Variants in CATSPERD observed in about 807,000 individuals in gnomAD.
CATSPERD encodes the protein cation channel sperm-associated auxiliary subunit delta.
Under a neutral mutation model 98.1 loss-of-function variants are expected in CATSPERD, and 86 were observed. The ratio of observed to expected loss-of-function variants is 0.88; its 90% CI spans 0.74 to 1.05. The LOEUF is 1.05. Among genes scored for constraint, CATSPERD ranks in the 50% least tolerant of loss-of-function variants. The pLI is 0.00. For synonymous variants in CATSPERD, 394 were observed against 390.2 expected (o/e 1.01, Z -0.12); for missense variants, 995 against 1,005.7 (o/e 0.99, Z 0.14).
intron 11 of CATSPERD, among the ~76,000 whole-genome samples, chr19:5,750,068 T>TG (rs1219686162): frequency 2.6e-5 from 4 of 151,298 alleles, no homozygotes; most frequent in African/African-American, 9.7e-5. Context: ...CCTCCCAAAG[T>TG]GCTGGGATTA....
chr19:5,774,173 GCC>G (rs1281080090), intron 20 of CATSPERD, among the ~76,000 whole-genome samples: 1 of 151,400 alleles, frequency 6.6e-6, no homozygotes, highest in African/African-American at 2.4e-5. Flanking sequence ...TCACCGTGTT[GCC>G]CAGGCTGGTC....
At chr19:5,763,735 T>C (rs984780259) in intron 16 of CATSPERD, among the ~76,000 whole-genome samples, 4 of 151,742 alleles carry the variant, frequency 2.6e-5, no homozygotes, top group Non-Finnish European at 5.9e-5. Context: ...TCTGCCCGCC[T>C]TGGTCTCCCA....
At position 5,731,560 on chromosome 19, in the gene CATSPERD, G is replaced by GTTTTTTTTTTTTTT. The variant is rs67541709; in HGVS notation, c.276+1629_276+1642dup. On this transcript the variant is annotated intron_variant, in intron 4 of 21. Transcript: ENST00000381624. ...TTTCTCCTAAAAGCGACACTTAACA[G>GTTTTTTTTTTTTTT]TTTTTTTTTTTTTTTTTTTTTTTTT... 1.4e-3 allele frequency among the ~76,000 whole-genome samples: 107 copies of GTTTTTTTTTTTTTT among 75,734 alleles called. 21 individuals carry two copies. The highest frequency in any genetic ancestry group is 0.011 in the Middle Eastern group (1 of 90). The allele number at this position is 75,734 out of a possible 152,430, so 49.7% of individuals were successfully genotyped here.
At chr19:5,745,861 G>A in intron 8 of CATSPERD, 52 bp from the exon 9 acceptor site, 1 of 1,595,090 alleles carries the variant, frequency 6.3e-7, no homozygotes, top group Non-Finnish European at 8.6e-7. Context: ...GGACTCAGTG[G>A]GACTCCACAG....
At chr19:5,753,622 C>T in intron 12 of CATSPERD, 1 of 394,952 alleles carries the variant, frequency 2.5e-6, no homozygotes, top group Non-Finnish European at 5.0e-6. Flanking sequence ...TAACCTCAAG[C>T]ACTTTGGGAG....
chr19:5,736,828 T>G lies in CATSPERD; in HGVS notation c.392-310T>G, dbSNP rs111325944. 3.0e-3 allele frequency among the ~76,000 whole-genome samples: 454 copies of G among 149,418 alleles called. 3 individuals are homozygous for G. The highest frequency in any genetic ancestry group is 0.011 in the African/African-American group (441 of 40,646). Reference sequence around the variant, plus strand: ...ATCCCAGCACTTTGGGAGGCCGAGGTGGGTGGATGACAAGGTCAGGAGATC... The same window carrying G: ...ATCCCAGCACTTTGGGAGGCCGAGGGGGGTGGATGACAAGGTCAGGAGATC... On this transcript the variant is annotated intron_variant, in intron 5 of 21. Coordinates refer to ENST00000381624, the MANE Select transcript of CATSPERD (RefSeq NM_152784.4).
rs547258279 is a variant in CATSPERD at position 5,756,432 on chromosome 19, G to A, written c.1279-1411G>A. ...GGTTGCACGATATTGTGAATCTACC[G>A]AAAGCCACTGAATTATACACTAAAG... On this transcript the variant is annotated intron_variant, in intron 13 of 21. Coordinates refer to ENST00000381624, the MANE Select transcript of CATSPERD (RefSeq NM_152784.4). Among the ~76,000 whole-genome samples, 16 of 152,224 alleles carry A rather than the reference G, an allele frequency of 1.1e-4. No homozygotes were observed. In the East Asian group the frequency reaches 1.5e-3, roughly 15 times the overall value.
chr19:5,762,601 ATGGGTGGATGGG>A (rs1371966645), intron 15 of CATSPERD, among the ~76,000 whole-genome samples: 19 of 151,966 alleles, frequency 1.3e-4, no homozygotes. Flanking sequence ...GGTTGGGTGG[ATGGGTGGATGGG>A]TGGGTGGATG....
At position 5,744,494 on chromosome 19, in the gene CATSPERD, T is replaced by C. The variant is rs764538602; in HGVS notation, c.641T>C (p.Val214Ala). The change falls in exon 8 of 22, where the codon GTA becomes GCA. Residue 214 changes from valine (V) to alanine (A), a missense_variant. By Grantham distance (64) the Val-to-Ala change is moderately conservative. This residue lies in a region of CATSPERD where 762 missense variants were observed against 773.7 expected (regional missense o/e 0.98). Transcript: ENST00000381624. The stretch of plus-strand genomic sequence containing the variant: ...TCTTTGTCACAGGTTGCGATGCTTG[T>C]AGTGAATCAAGGGAAGGTAAGTAAC... ...FFSLSQVAMLVVNQGKGMFKY... is the reference protein window; with the variant it reads ...FFSLSQVAMLAVNQGKGMFKY... The C allele has an allele frequency of 1.5e-5, 24 of 1,612,024 alleles. No homozygotes were observed. Among genetic ancestry groups the C allele is most frequent in the South Asian group, 2.2e-5 (2 of 91,024 alleles).
At chr19:5,726,649 T>C (rs1435991536) in intron 2 of CATSPERD, among the ~76,000 whole-genome samples, 1 of 152,044 alleles carries the variant, frequency 6.6e-6, no homozygotes, top group African/African-American at 2.4e-5. Context: ...CCCAAAGTGT[T>C]GGGATTACAG....
rs368004452 is a variant in CATSPERD, at chr19:5,776,315, G to T, written c.2096G>T (p.Ser699Ile). The change falls in exon 21 of 22, where the codon AGC becomes ATC. Residue 699 changes from serine to isoleucine, a missense_variant and splice_region_variant. By Grantham distance (142) the Ser-to-Ile change is moderately radical (BLOSUM62 -2). Around this residue, in one of 3 missense-constraint regions of CATSPERD, gnomAD observed 762 missense variants for 773.7 expected, o/e 0.98. Transcript: ENST00000381624. ...ATTTCGATCGTGGATCCGTACTACA[G>T]GTGAGTGGGCCCATCTGCCCCTACG... is the stretch of plus-strand genomic sequence containing the variant. ...FYISIVDPYY[S>I]YCQLETIFSI... is the part of the protein sequence containing the mutation. The T allele has an allele frequency of 6.2e-7, 1 of 1,614,080 alleles. No individual in the cohort carries two copies. Among genetic ancestry groups the T allele is most frequent in the South Asian group, 1.1e-5 (1 of 91,074 alleles).
intron 20 of CATSPERD, among the ~76,000 whole-genome samples, chr19:5,775,443 C>T (rs2056723284): frequency 6.7e-6 from 1 of 148,562 alleles, no homozygotes; most frequent in Admixed American, 6.8e-5. Context: ...TGAGACCATC[C>T]TGGCTTACAT....
rs376755215 is a variant in CATSPERD at position 5,733,309 on chromosome 19, TTC to T, written c.277-545_277-544del. ...GCGCCTGGTCTCTTTCTTTTTCTTT[TTC>T]TTTCTTTCTTTCTTTCTTTCTTTCC... is the stretch of plus-strand genomic sequence containing the variant. On this transcript the variant is annotated intron_variant, in intron 4 of 21. Transcript: ENST00000381624. Among the ~76,000 whole-genome samples the T allele has an allele frequency of 1.0e-4, 14 of 138,556 alleles. No individual in the cohort carries two copies. The East Asian group carries it at 2.8e-3, about 28-fold the overall frequency. 90.9% of individuals were successfully genotyped at this position (138,556 alleles called of 152,430 possible).
intron 1 of CATSPERD, among the ~76,000 whole-genome samples, chr19:5,724,510 C>G (rs2055565661): frequency 6.6e-6 from 1 of 151,956 alleles, no homozygotes; most frequent in South Asian, 2.1e-4. Flanking sequence ...CCAGCCTGGC[C>G]AATGTGGTGA....
Position 5,749,153 on chromosome 19 carries a change from T to G in CATSPERD, c.957T>G (p.Asn319Lys), listed in dbSNP as rs768914183. The G allele has an allele frequency of 2.5e-6, 4 of 1,612,964 alleles. 1 individual carries two copies. The East Asian group carries it at 8.9e-5, about 36-fold the overall frequency. ...GGGAGGATAATTTGTATTATGGCAA[T>G]CTGGGCATCGTGCCAAGTTCCATAA... is the stretch of plus-strand genomic sequence containing the variant. The part of the protein sequence containing the change: ...ITREDNLYYG[N>K]LGIVPSSIIK... The change falls in exon 11 of 22, where the codon AAT becomes AAG. Residue 319 changes from asparagine to lysine, a missense_variant. Physicochemically the swap from Asn to Lys is moderately conservative, Grantham distance 94. Around this residue, in one of 3 missense-constraint regions of CATSPERD, gnomAD observed 762 missense variants for 773.7 expected, o/e 0.98. Coordinates refer to ENST00000381624, the MANE Select transcript of CATSPERD (RefSeq NM_152784.4).
chr19:5,720,875 G>A lies in CATSPERD; in HGVS notation c.71+67G>A. 1.0e-5 allele frequency: 14 copies of A among 1,375,588 alleles called. 1 individual carries two copies. The highest frequency in any genetic ancestry group is 1.4e-5 in the African/African-American group (1 of 69,934). The allele number at this position is 1,375,588 out of a possible 1,614,324, so 85.2% of individuals were successfully genotyped here. On this transcript the variant is annotated intron_variant, in intron 1 of 21. Coordinates refer to ENST00000381624, the MANE Select transcript of CATSPERD (RefSeq NM_152784.4). ...GTCGGGAGGGTGCTGGTTCATCTTGGAGCCGAGGCCTGCTCCCCAACCTCA... is the reference window on the plus strand; with the variant it reads ...GTCGGGAGGGTGCTGGTTCATCTTGAAGCCGAGGCCTGCTCCCCAACCTCA...
At chr19:5,726,806 A>T (rs2055612862) in intron 2 of CATSPERD, among the ~76,000 whole-genome samples, 1 of 152,200 alleles carries the variant, frequency 6.6e-6, no homozygotes, top group Admixed American at 6.6e-5. Context: ...ATCTGACATG[A>T]TCATAGTACG....
Position 5,751,827 on chromosome 19 carries a change from T to A in CATSPERD, c.1164+4T>A. On this transcript the variant is annotated splice_donor_region_variant and intron_variant, in intron 12 of 21. Coordinates refer to ENST00000381624, the MANE Select transcript of CATSPERD (RefSeq NM_152784.4). ...ACTCCACGTTGGAAAGTGCAAGGTA[T>A]GTGATCCTAACTGTTTTGATCAATG... 1.2e-6 allele frequency: 2 copies of A among 1,607,796 alleles called. No homozygotes were observed. Among genetic ancestry groups the A allele is most frequent in the South Asian group, 2.2e-5 (2 of 90,660 alleles).
intron 1 of CATSPERD, among the ~76,000 whole-genome samples, chr19:5,721,827 A>G (rs2055487373): frequency 1.3e-5 from 2 of 151,940 alleles, no homozygotes; most frequent in African/African-American, 4.8e-5. Flanking sequence ...CGTCTCTACT[A>G]AAAATACAAA....
Sources: allele counts gnomAD v4.1 joint callset (sites outside exome capture counted in the v4.1 genomes callset), GRCh38; gene constraint gnomAD v4.1.1; regional missense constraint gnomAD v4.1.1; transcripts MANE v1.5; gene names NCBI Gene and HGNC (gene_info 2026-07-23, HGNC 2026-07-21).